TRNAU1AP: variants seen among roughly 807,000 people sequenced by gnomAD.
TRNAU1AP encodes tRNA selenocysteine 1-associated protein 1.
A neutral mutation model predicts 43.3 loss-of-function variants in TRNAU1AP; 33 were observed. That is an observed-to-expected ratio of 0.76 (90% CI 0.58 to 1.02). The LOEUF (loss-of-function observed/expected upper bound fraction) is 1.02. TRNAU1AP is among the 50% of genes least tolerant of loss of function. TRNAU1AP has a pLI of 0.00. For missense variants in TRNAU1AP, 290 were observed against 362.7 expected (o/e 0.80, Z 1.63); for synonymous variants, 143 against 129.1 (o/e 1.11, Z -0.73).
At chr1:28,571,790 A>G in intron 7 of TRNAU1AP, 77 bp from the exon 8 acceptor site, 1 of 1,262,580 alleles carries the variant, frequency 7.9e-7, no homozygotes, top group Non-Finnish European at 1.1e-6. Flanking sequence ...CTCAAAAAAA[A>G]TAAAAAATAT....
At chr1:28,570,419 G>A (rs1404236734) in intron 6 of TRNAU1AP, among the ~76,000 whole-genome samples, 1 of 151,646 alleles carries the variant, frequency 6.6e-6, no homozygotes, top group Non-Finnish European at 1.5e-5. Context: ...CTAATTTTTT[G>A]TATTTTTAGT....
intron 3 of TRNAU1AP, 136 bp from the exon 4 acceptor site, chr1:28,561,210 T>G: frequency 4.0e-6 from 6 of 1,483,102 alleles, no homozygotes; most frequent in Non-Finnish European, 5.4e-6. Context: ...CCCCTCATTT[T>G]ATACAGGAGA....
At chr1:28,572,505 G>A (rs1665683400) in intron 8 of TRNAU1AP, among the ~76,000 whole-genome samples, 1 of 151,540 alleles carries the variant, frequency 6.6e-6, no homozygotes, top group East Asian at 1.9e-4. Flanking sequence ...CGATAATACT[G>A]TTACCTTTTA....
At position 28,569,102 on chromosome 1, in the gene TRNAU1AP, C is replaced by T. The variant is rs550173305; in HGVS notation, c.530+1689C>T. Reference sequence around the variant, plus strand: ...CTGGGATTACAGGCGTGAGCCACTGCGCCCAGCCAAATAGCCATGTTTTTG... The same window carrying T: ...CTGGGATTACAGGCGTGAGCCACTGTGCCCAGCCAAATAGCCATGTTTTTG... On this transcript the variant is annotated intron_variant, in intron 6 of 8. Coordinates refer to ENST00000373830, the MANE Select transcript of TRNAU1AP (RefSeq NM_017846.5). Among the ~76,000 whole-genome samples the T allele has an allele frequency of 1.2e-4, 18 of 152,184 alleles. 1 individual carries two copies. The highest frequency in any genetic ancestry group is 8.5e-4 in the Admixed American group (13 of 15,278).
At chr1:28,571,786 A>AAAAATAAATAAATAAAAT in intron 7 of TRNAU1AP, 81 bp from the exon 8 acceptor site, 1 of 1,008,574 alleles carries the variant, frequency 9.9e-7, no homozygotes, top group Non-Finnish European at 1.5e-6. Context: ...CCACCTCAAA[A>AAAAATAAATAAATAAAAT]AAAATAAAAA....
intron 8 of TRNAU1AP, among the ~76,000 whole-genome samples, chr1:28,577,147 C>T (rs746159635): frequency 1.1e-4 from 17 of 152,132 alleles, no homozygotes; most frequent in African/African-American, 1.4e-4. Context: ...TTCCACTATG[C>T]ACTTATTGTC....
intron 8 of TRNAU1AP, among the ~76,000 whole-genome samples, chr1:28,575,034 G>A (rs1041474844): frequency 2.0e-5 from 3 of 152,098 alleles, no homozygotes; most frequent in Non-Finnish European, 4.4e-5. Context: ...AGGACAGTCC[G>A]GTCTTTTTAT....
intron 5 of TRNAU1AP, among the ~76,000 whole-genome samples, chr1:28,565,995 G>A (rs1665528278): frequency 6.6e-6 from 1 of 152,016 alleles, no homozygotes; most frequent in South Asian, 2.1e-4. Flanking sequence ...GGAATTATTA[G>A]ACAGTTTGAT....
rs549362871 is a variant in TRNAU1AP at position 28,555,537 on chromosome 1, A to G, written c.125+1800A>G. 3.6e-5 allele frequency among the ~76,000 whole-genome samples: 5 copies of G among 138,748 alleles called. No individual in the cohort carries two copies. In the East Asian group the frequency reaches 1.1e-3, roughly 30 times the overall value. The allele number at this position is 138,748 out of a possible 152,430, so 91.0% of individuals were successfully genotyped here. ...TGAGACGGAGTCTCGCTCTGTCACT[A>G]CCCAGGTTGGAGTGCAGTGGCGCGA... On this transcript the variant is annotated intron_variant, in intron 2 of 8. Transcript: ENST00000373830.
intron 8 of TRNAU1AP, 97 bp downstream of exon 8, chr1:28,571,997 T>C (rs367678758): frequency 1.2e-5 from 13 of 1,099,718 alleles, no homozygotes; most frequent in East Asian, 1.2e-4. Context: ...AGATAAATTC[T>C]GCTCTGGAAG....
chr1:28,561,163 T>G, intron 3 of TRNAU1AP, 183 bp from the exon 4 acceptor site: 1 of 1,429,662 alleles, frequency 7.0e-7, no homozygotes, highest in Non-Finnish European at 9.1e-7. Flanking sequence ...CATAGAACCA[T>G]GGAGCTGGCA....
Position 28,574,674 on chromosome 1 carries a change from C to T in TRNAU1AP, c.727+2774C>T, listed in dbSNP as rs562067060. 3 of 151,720 alleles carry T rather than the reference C, an allele frequency of 2.0e-5. No individual in the cohort carries two copies. The South Asian group carries it at 6.2e-4, about 32-fold the overall frequency. The allele number at this position is 151,720 out of a possible 1,614,324, so 9.4% of individuals were successfully genotyped here. A position where few individuals can be genotyped will look rare whatever the true frequency, so the allele number is the denominator to read the frequency against. ...CCATCTCGGCCTTCCAAAGTGCTGG[C>T]ATTATAGGCATGAGCCACTGCTCCT... On this transcript the variant is annotated intron_variant, in intron 8 of 8. Coordinates refer to ENST00000373830, the MANE Select transcript of TRNAU1AP (RefSeq NM_017846.5).
At chr1:28,560,149 A>G (rs1450015046) in intron 2 of TRNAU1AP, among the ~76,000 whole-genome samples, 1 of 152,140 alleles carries the variant, frequency 6.6e-6, no homozygotes, top group Admixed American at 6.6e-5. Flanking sequence ...GGACTGGCCC[A>G]GATGGACAAT....
At position 28,577,538 on chromosome 1, in the gene TRNAU1AP, G is replaced by T; in HGVS notation, c.766G>T (p.Glu256Ter). 1 of 1,614,050 alleles carries T rather than the reference G, an allele frequency of 6.2e-7. No homozygotes were observed. The highest frequency in any genetic ancestry group is 8.5e-7 in the Non-Finnish European group (1 of 1,179,982). Residue 256 changes from glutamate (E) to a stop codon, truncating the protein, a stop_gained, in exon 9 of 9, where the codon GAG (glutamate) becomes TAG (stop). Transcript: ENST00000373830. LOFTEE classifies it high-confidence loss of function. The part of the protein sequence containing the change: ...PQLDVTEANK[E>*]FMEQSEELYD... ...GCTGGATGTGACTGAGGCCAACAAG[G>T]AGTTCATGGAACAGAGTGAGGAGCT...
chr1:28,553,273 A>C (rs1265197638), intron 1 of TRNAU1AP, 136 bp downstream of exon 1: 1 of 1,070,252 alleles, frequency 9.3e-7, no homozygotes, highest in Non-Finnish European at 1.3e-6. Flanking sequence ...TTGGTGACAC[A>C]GAAGCGGGTT....
chr1:28,576,836 T>G (rs1665796532), intron 8 of TRNAU1AP, among the ~76,000 whole-genome samples: 1 of 152,198 alleles, frequency 6.6e-6, no homozygotes, highest in South Asian at 2.1e-4. Context: ...CGACTTCTGG[T>G]GATCTGCCCG....
intron 6 of TRNAU1AP, 69 bp downstream of exon 6, chr1:28,567,482 A>C: frequency 1.3e-6 from 2 of 1,508,528 alleles, no homozygotes; most frequent in Non-Finnish European, 1.8e-6. Context: ...GTTTGCTGAG[A>C]ATCAGGGCAT....
chr1:28,577,731 G>A lies in TRNAU1AP; in HGVS notation c.*95G>A, dbSNP rs1429773073. 1 of 1,323,800 alleles carries A rather than the reference G, an allele frequency of 7.6e-7. No homozygotes were observed. Among genetic ancestry groups the A allele is most frequent in the Non-Finnish European group, 1.0e-6 (1 of 959,272 alleles). 82.0% of individuals were successfully genotyped at this position (1,323,800 alleles called of 1,614,324 possible). Reference sequence around the variant, plus strand: ...ACCTTTTTGGAAATATGATTTGTAAGATTTTAATAATGACTGTTTTTGGAG... The same window carrying A: ...ACCTTTTTGGAAATATGATTTGTAAAATTTTAATAATGACTGTTTTTGGAG... On this transcript the variant is annotated 3_prime_UTR_variant, in exon 9 of 9. Coordinates refer to ENST00000373830, the MANE Select transcript of TRNAU1AP (RefSeq NM_017846.5).
At chr1:28,577,083 C>CACAT in intron 8 of TRNAU1AP, among the ~76,000 whole-genome samples, 1 of 152,292 alleles carries the variant, frequency 6.6e-6, no homozygotes, top group African/African-American at 2.4e-5. Flanking sequence ...CATACACACA[C>CACAT]ACATACATAC....
Sources: gnomAD v4.1 joint callset for allele counts (sites outside exome capture counted in the v4.1 genomes callset) on GRCh38, gnomAD v4.1.1 for gene constraint, MANE v1.5 for transcripts, NCBI Gene and HGNC (gene_info 2026-07-23, HGNC 2026-07-21) for gene names.